The following RBFOX1 variants were observed in gnomAD, a reference collection of about 807,000 sequenced individuals.
RBFOX1 encodes the protein RNA binding protein fox-1 homolog 1.
Under a neutral mutation model 57.7 loss-of-function variants are expected in RBFOX1, and 8 were observed. The observed-to-expected ratio is 0.14, with a 90% CI of 0.08 to 0.25. The LOEUF (loss-of-function observed/expected upper bound fraction) is 0.25, where lower values mean the gene tolerates loss of function less well. RBFOX1 is among the 10% of genes least tolerant of loss of function. The pLI is 1.00. For missense variants in RBFOX1, 611 were observed against 548.5 expected (o/e 1.11, Z -1.14); for synonymous variants, 326 against 222.4 (o/e 1.47, Z -4.15).
chr16:5,920,079 G>A (rs547256981), intron 4 of RBFOX1, among the ~76,000 whole-genome samples: 15 of 152,190 alleles, frequency 9.9e-5, no homozygotes, highest in South Asian at 8.3e-4. Flanking sequence ...GACTACAGGC[G>A]CCCGCCACCA....
intron 14 of RBFOX1, among the ~76,000 whole-genome samples, chr16:7,703,830 T>G (rs2081539626): frequency 6.6e-6 from 1 of 152,218 alleles, no homozygotes; most frequent in Admixed American, 6.5e-5. Context: ...AACTCATAAA[T>G]TAGATCTCAA....
At chr16:6,490,106 C>T (rs1181001241) in intron 2 of RBFOX1, among the ~76,000 whole-genome samples, 1 of 152,172 alleles carries the variant, frequency 6.6e-6, no homozygotes, top group Non-Finnish European at 1.5e-5. Flanking sequence ...TGTTGTTCCA[C>T]ATTTAGGCCA....
intron 3 of RBFOX1, among the ~76,000 whole-genome samples, chr16:7,006,143 A>AATTT (rs1011734857): frequency 2.0e-5 from 3 of 151,818 alleles, no homozygotes; most frequent in African/African-American, 7.3e-5. Context: ...AATGTCATTA[A>AATTT]ATTTATTTAT....
intron 1 of RBFOX1, among the ~76,000 whole-genome samples, chr16:6,225,874 C>T (rs1388246070): frequency 6.6e-6 from 1 of 152,110 alleles, no homozygotes; most frequent in Non-Finnish European, 1.5e-5. Context: ...ATGCAAAAGC[C>T]TTTGTAGACT....
chr16:6,508,537 AAGAG>A (rs1441908790), intron 2 of RBFOX1, among the ~76,000 whole-genome samples: 1 of 152,114 alleles, frequency 6.6e-6, no homozygotes, highest in Non-Finnish European at 1.5e-5. Flanking sequence ...TGTGCTTAGA[AAGAG>A]AGAAAAAATG....
Position 7,105,100 on chromosome 16 carries a change from C to T in RBFOX1, c.27+53002C>T, listed in dbSNP as rs529896724. 3.9e-5 allele frequency among the ~76,000 whole-genome samples: 6 copies of T among 152,252 alleles called. No homozygotes were observed. The South Asian group carries it at 8.3e-4, about 21-fold the overall frequency. On this transcript the variant is annotated intron_variant, in intron 4 of 15. Coordinates refer to ENST00000550418, the MANE Select transcript of RBFOX1 (RefSeq NM_018723.4). ...TTGAGCTGAAAGAGAGCACCTCTGC[C>T]ACTAAAGCTTGGATGTTTAAGCAAA...
At chr16:5,908,311 T>A (rs1235957927) in intron 4 of RBFOX1, among the ~76,000 whole-genome samples, 1 of 147,390 alleles carries the variant, frequency 6.8e-6, no homozygotes, top group Non-Finnish European at 1.5e-5. Context: ...TACACACATA[T>A]ATACACACAC....
chr16:7,628,433 G>C (rs1345803720), intron 10 of RBFOX1, among the ~76,000 whole-genome samples: 1 of 152,088 alleles, frequency 6.6e-6, no homozygotes, highest in Non-Finnish European at 1.5e-5. Flanking sequence ...AAACACCACT[G>C]ACTGTAGAGG....
chr16:5,774,230 C>T (rs1322700057), intron 3 of RBFOX1, among the ~76,000 whole-genome samples: 1 of 151,976 alleles, frequency 6.6e-6, no homozygotes, highest in Non-Finnish European at 1.5e-5. Context: ...AGAGAAAGGG[C>T]CCATTACCTT....
Position 5,479,587 on chromosome 16 carries a change from C to T in RBFOX1, c.258+12333C>T, listed in dbSNP as rs183298834. On this transcript the variant is annotated intron_variant, in intron 2 of 2. Transcript: ENST00000585867. ...CAGCCTGGCCAACATGGTAAAACCC[C>T]GTCTCTTCTAAAAATACAAAAATTA... Among the ~76,000 whole-genome samples, 85 of 151,890 alleles carry T rather than the reference C, an allele frequency of 5.6e-4. 1 individual carries two copies. The highest frequency in any genetic ancestry group is 3.9e-4 in the East Asian group (2 of 5,156).
chr16:7,149,690 G>T (rs1157956233), intron 4 of RBFOX1, among the ~76,000 whole-genome samples: 1 of 151,272 alleles, frequency 6.6e-6, no homozygotes, highest in African/African-American at 2.4e-5. Context: ...AGGATTACAG[G>T]CATGAGCCAC....
At chr16:7,185,082 A>G (rs1225829367) in intron 4 of RBFOX1, among the ~76,000 whole-genome samples, 5 of 152,234 alleles carry the variant, frequency 3.3e-5, no homozygotes, top group African/African-American at 4.8e-5. Flanking sequence ...AGGAATGTCC[A>G]TACAATATAT....
chr16:7,484,495 C>T (rs2064862630), intron 4 of RBFOX1, among the ~76,000 whole-genome samples: 2 of 152,184 alleles, frequency 1.3e-5, no homozygotes, highest in Admixed American at 6.5e-5. Flanking sequence ...CAGAGTCTCA[C>T]TCTGTCACCC....
chr16:7,210,382 G>T (rs1036180498), intron 4 of RBFOX1, among the ~76,000 whole-genome samples: 14 of 152,230 alleles, frequency 9.2e-5, no homozygotes, highest in African/African-American at 3.4e-4. Context: ...ATGGACCACG[G>T]TGTGGTCCTT....
chr16:7,021,787 C>G (rs1467852700), intron 3 of RBFOX1, among the ~76,000 whole-genome samples: 2 of 150,810 alleles, frequency 1.3e-5, no homozygotes, highest in African/African-American at 2.4e-5. Context: ...TACTATATAC[C>G]AGGCATGCTT....
chr16:6,155,498 C>G (rs2096832114), intron 1 of RBFOX1, among the ~76,000 whole-genome samples: 1 of 152,190 alleles, frequency 6.6e-6, no homozygotes, highest in East Asian at 1.9e-4. Context: ...ACTTCAAGGA[C>G]TTGGTAATGG....
chr16:7,037,555 A>G (rs528473983), intron 3 of RBFOX1, among the ~76,000 whole-genome samples: 10 of 152,062 alleles, frequency 6.6e-5, no homozygotes, highest in Non-Finnish European at 1.0e-4. Context: ...AGAAATCACA[A>G]CAACAACAAC....
At position 5,534,467 on chromosome 16, in the gene RBFOX1, C is replaced by T. The variant is rs147519969; in HGVS notation, c.259-64435C>T. Among the ~76,000 whole-genome samples, 6 of 152,084 alleles carry T rather than the reference C, an allele frequency of 3.9e-5. 1 individual carries two copies. The highest frequency in any genetic ancestry group is 4.1e-4 in the South Asian group (2 of 4,830). ...AGCCTTCAGTCTGTGGTGGAAGGTG[C>T]GAGAGACCCCAGCAAACCACTGGTG... On this transcript the variant is annotated intron_variant, in intron 2 of 2. Coordinates refer to the RBFOX1 transcript ENST00000585867.
At chr16:5,816,258 C>T (rs1395278689) in intron 3 of RBFOX1, among the ~76,000 whole-genome samples, 1 of 152,168 alleles carries the variant, frequency 6.6e-6, no homozygotes, top group African/African-American at 2.4e-5. Context: ...CCTTGGCTAC[C>T]TATTCCTTCA....
Sources: gnomAD v4.1 joint callset for allele counts (sites outside exome capture counted in the v4.1 genomes callset) on GRCh38, gnomAD v4.1.1 for gene constraint, MANE v1.5 for transcripts, NCBI Gene and HGNC (gene_info 2026-07-23, HGNC 2026-07-21) for gene names.